SFI1: variants seen among roughly 807,000 people sequenced by gnomAD.
The protein encoded by SFI1 is SFI1 centrin binding protein.
In SFI1, 195 loss-of-function variants were observed where a neutral mutation model predicts 207.5. That is an observed-to-expected ratio of 0.94 (90% CI 0.84 to 1.06). SFI1 has a LOEUF of 1.06. SFI1 is among the 50% of genes least tolerant of loss of function. SFI1 has a pLI of 0.00. For missense variants in SFI1, 1,634 were observed against 1,588.0 expected, an observed-to-expected ratio of 1.03 and a Z score of -0.49; for synonymous variants, 630 against 598.9, an observed-to-expected ratio of 1.05 and a Z score of -0.76.
At chr22:31,529,399 G>A (rs2058248873) in intron 3 of SFI1, among the ~76,000 whole-genome samples, 2 of 152,080 alleles carry the variant, frequency 1.3e-5, no homozygotes, top group Non-Finnish European at 2.9e-5. Context: ...GGTGGCACAT[G>A]CCTGTAATCC....
At chr22:31,499,186 G>A (rs1430108030) in intron 1 of SFI1, among the ~76,000 whole-genome samples, 2 of 151,350 alleles carry the variant, frequency 1.3e-5, no homozygotes, top group Non-Finnish European at 2.9e-5. Flanking sequence ...TTTTTTTTGA[G>A]ATGAGGGTCT....
At chr22:31,500,318 C>T (rs140968478) in intron 1 of SFI1, among the ~76,000 whole-genome samples, 54 of 151,220 alleles carry the variant, frequency 3.6e-4, no homozygotes, top group African/African-American at 1.3e-3. Context: ...TTGCCATAGC[C>T]ATTCCAACCT....
At chr22:31,555,028 T>TCAGTATGA (rs1263510870) in intron 6 of SFI1, among the ~76,000 whole-genome samples, 1 of 152,196 alleles carries the variant, frequency 6.6e-6, no homozygotes, top group Non-Finnish European at 1.5e-5. Flanking sequence ...AGAACAAGAC[T>TCAGTATGA]TAGTATGATT....
At chr22:31,606,073 C>G in intron 20 of SFI1, 1 of 465,952 alleles carries the variant, frequency 2.1e-6, no homozygotes, top group Non-Finnish European at 3.9e-6. Context: ...CCTGTTATCC[C>G]CGTAGCACCT....
At position 31,602,096 on chromosome 22, in the gene SFI1, C is replaced by T. The variant is rs138741259; in HGVS notation, c.1545-116C>T. 116 of 870,636 alleles carry T rather than the reference C, an allele frequency of 1.3e-4. No individual in the cohort carries two copies. In the East Asian group the frequency reaches 2.7e-3, roughly 21 times the overall value. 53.9% of individuals were successfully genotyped at this position (870,636 alleles called of 1,614,324 possible). On this transcript the variant is annotated intron_variant, in intron 15 of 32. Coordinates refer to ENST00000400288, the MANE Select transcript of SFI1 (RefSeq NM_001007467.3). ...CACTGTGCCCAGCCACTTAATTCAC[C>T]TCTTATACGATAGCATGGTATAAAA...
upstream of SFI1, chr22:31,496,482 T>C (rs904585548): frequency 3.3e-5 from 5 of 151,914 alleles, no homozygotes; most frequent in Non-Finnish European, 7.4e-5. Context: ...CGCGTCGCCG[T>C]GGAGACGAGG....
chr22:31,512,355 C>CAA (rs1215817231), intron 2 of SFI1, among the ~76,000 whole-genome samples: 3,106 of 97,532 alleles, frequency 0.032, 102 homozygotes, highest in African/African-American at 0.11. Flanking sequence ...AACTCCATCT[C>CAA]AAAAAAAAAA....
intron 8 of SFI1, among the ~76,000 whole-genome samples, chr22:31,562,162 T>C (rs886924133): frequency 6.6e-6 from 1 of 152,174 alleles, no homozygotes; most frequent in Non-Finnish European, 1.5e-5. Flanking sequence ...TAAAGTTTTA[T>C]TGGGATGCTG....
rs1010056155 is a variant in SFI1, at chr22:31,605,052, G to A, written c.2054+107G>A. ...TGAGGGCCAGGTCGGGGATGATCCC[G>A]GGTTCCTAGTCGCTAATATCATGGT... On this transcript the variant is annotated intron_variant, in intron 20 of 32. Transcript: ENST00000400288. The A allele has an allele frequency of 1.1e-5, 10 of 938,556 alleles. No individual in the cohort carries two copies. The African/African-American group carries it at 1.4e-4, about 13-fold the overall frequency. 58.1% of individuals were successfully genotyped at this position (938,556 alleles called of 1,614,324 possible).
intron 20 of SFI1, 54 bp from the exon 21 acceptor site, chr22:31,606,274 C>A: frequency 6.6e-7 from 1 of 1,513,640 alleles, no homozygotes; most frequent in Admixed American, 1.7e-5. Context: ...CAGAAGCCTC[C>A]CTTCTCTCTC....
At chr22:31,540,963 A>G (rs970993449) in intron 4 of SFI1, among the ~76,000 whole-genome samples, 1 of 152,182 alleles carries the variant, frequency 6.6e-6, no homozygotes, top group African/African-American at 2.4e-5. Flanking sequence ...GTCTAGGACC[A>G]TCTCCCAAGC....
intron 2 of SFI1, among the ~76,000 whole-genome samples, chr22:31,520,537 C>A (rs540118566): frequency 1.3e-5 from 2 of 152,060 alleles, no homozygotes; most frequent in African/African-American, 4.8e-5. Flanking sequence ...TTTTCTAATA[C>A]TCACGGAGGG....
At chr22:31,546,424 G>A (rs978189012) in intron 4 of SFI1, among the ~76,000 whole-genome samples, 2 of 151,894 alleles carry the variant, frequency 1.3e-5, no homozygotes, top group Non-Finnish European at 2.9e-5. Flanking sequence ...TCTGCCTCCC[G>A]GGTTCAAGCA....
chr22:31,606,386 A>G lies in SFI1; in HGVS notation c.2113A>G (p.Thr705Ala), dbSNP rs752076658. The part of the protein sequence containing the change: ...TMARVDEAKK[T>A]FQASTHYRRT... ...GGCCCGAGTGGATGAAGCCAAAAAA[A>G]CCTTTCAAGCAAGTACTCATTACAG... Residue 705 changes from threonine (T) to alanine (A), a missense_variant, in exon 21 of 33, where the codon ACC becomes GCC. Transcript: ENST00000400288. 1.9e-6 allele frequency: 3 copies of G among 1,613,882 alleles called. No homozygotes were observed. The highest frequency in any genetic ancestry group is 2.5e-6 in the Non-Finnish European group (3 of 1,180,028).
chr22:31,586,871 C>A (rs937098110), intron 14 of SFI1, among the ~76,000 whole-genome samples: 1 of 152,108 alleles, frequency 6.6e-6, no homozygotes, highest in Non-Finnish European at 1.5e-5. Flanking sequence ...AAAGGTATAG[C>A]GGGTCTGAAA....
intron 1 of SFI1, among the ~76,000 whole-genome samples, chr22:31,503,911 T>G (rs2054229415): frequency 1.1e-5 from 1 of 95,012 alleles, no homozygotes; most frequent in African/African-American, 2.7e-5. Flanking sequence ...TGATTATCAT[T>G]ATATTCATTA....
At chr22:31,516,886 G>A (rs751381272) in intron 2 of SFI1, among the ~76,000 whole-genome samples, 7 of 151,880 alleles carry the variant, frequency 4.6e-5, no homozygotes, top group Non-Finnish European at 7.4e-5. Flanking sequence ...CCTGGGAGGC[G>A]GAGGTTGCAG....
At chr22:31,607,835 C>A in intron 21 of SFI1, 102 bp from the exon 22 acceptor site, 1 of 932,830 alleles carries the variant, frequency 1.1e-6, no homozygotes, top group Non-Finnish European at 1.7e-6. Context: ...CAAATGGCAA[C>A]AGCTTGGCCT....
At chr22:31,614,670 C>A in intron 27 of SFI1, 119 bp from the exon 28 acceptor site, 1 of 1,200,680 alleles carries the variant, frequency 8.3e-7, no homozygotes, top group Non-Finnish European at 1.2e-6. Flanking sequence ...ACTTGCTGAC[C>A]TTGGCCTCGC....
Sources: allele counts gnomAD v4.1 joint callset (sites outside exome capture counted in the v4.1 genomes callset), GRCh38; gene constraint gnomAD v4.1.1; transcripts MANE v1.5; gene names NCBI Gene and HGNC (gene_info 2026-07-23, HGNC 2026-07-21).